Variants in LRBA observed in about 807,000 individuals in gnomAD.
LRBA encodes lipopolysaccharide-responsive and beige-like anchor protein.
A neutral mutation model predicts 330.0 loss-of-function variants in LRBA; 176 were observed. The ratio of observed to expected loss-of-function variants is 0.53; its 90% confidence interval spans 0.47 to 0.60. The LOEUF is 0.60. Ranked by LOEUF, LRBA falls within the 20% of genes least tolerant of loss-of-function variation. The pLI is 0.00. For missense variants in LRBA, 3,259 were observed against 3,444.8 expected, an observed-to-expected ratio of 0.95 and a Z score of 1.35; for synonymous variants, 1,230 against 1,193.0, an observed-to-expected ratio of 1.03 and a Z score of -0.64.
chr4:150,870,148 C>G (rs1446743366), intron 20 of LRBA, among the ~76,000 whole-genome samples: 1 of 152,090 alleles, frequency 6.6e-6, no homozygotes, highest in Non-Finnish European at 1.5e-5. Flanking sequence ...ATAAAGAAGA[C>G]ATATTGTTCT....
chr4:150,815,205 T>C (rs901063000), intron 31 of LRBA, among the ~76,000 whole-genome samples: 4 of 151,934 alleles, frequency 2.6e-5, no homozygotes, highest in Non-Finnish European at 5.9e-5. Context: ...TCATAGATAT[T>C]AATAACTATT....
chr4:150,970,740 A>C (rs992486345), intron 2 of LRBA: 19 of 152,088 alleles, frequency 1.2e-4, no homozygotes, highest in Non-Finnish European at 2.6e-4. Context: ...AGCTTCAAAG[A>C]TCAGACAACA....
intron 34 of LRBA, among the ~76,000 whole-genome samples, chr4:150,793,523 G>A (rs938451735): frequency 1.3e-5 from 2 of 152,106 alleles, no homozygotes; most frequent in Non-Finnish European, 2.9e-5. Flanking sequence ...TATGATCCAT[G>A]TTACCATTGA....
At chr4:150,586,781 TAAATC>T (rs1481421138) in intron 40 of LRBA, among the ~76,000 whole-genome samples, 8 of 152,196 alleles carry the variant, frequency 5.3e-5, no homozygotes, top group African/African-American at 1.9e-4. Context: ...ACTTTTAAAT[TAAATC>T]AAATTTTAGG....
chr4:150,928,617 C>G lies in LRBA; in HGVS notation c.449-1G>C. ...ACTCCCAACATGTCAACCAAAAGAT[C>G]TGGAAACAAAAGAAAACGATAAAAT... is the stretch of plus-strand genomic sequence containing the variant. On this transcript the variant is annotated splice_acceptor_variant, in intron 3 of 56. Coordinates refer to ENST00000651943, the MANE Select transcript of LRBA (RefSeq NM_001364905.1). LOFTEE classifies it high-confidence loss of function. 1 of 1,607,370 alleles carries G rather than the reference C, an allele frequency of 6.2e-7. No individual in the cohort carries two copies. The highest frequency in any genetic ancestry group is 1.7e-5 in the Admixed American group (1 of 59,218).
chr4:150,744,092 C>T (rs2126313818), intron 35 of LRBA, among the ~76,000 whole-genome samples: 1 of 152,084 alleles, frequency 6.6e-6, no homozygotes, highest in East Asian at 1.9e-4. Context: ...TTAAACAGTA[C>T]TCATTTAGGC....
chr4:150,574,696 G>A (rs1770310658), intron 40 of LRBA, among the ~76,000 whole-genome samples: 1 of 151,922 alleles, frequency 6.6e-6, no homozygotes, highest in African/African-American at 2.4e-5. Context: ...AATTTATAAA[G>A]TTTATAGAAA....
intron 47 of LRBA, among the ~76,000 whole-genome samples, chr4:150,352,939 T>C (rs972579753): frequency 6.6e-6 from 1 of 152,228 alleles, no homozygotes; most frequent in African/African-American, 2.4e-5. Flanking sequence ...TGGCAATTTA[T>C]ATCATTTAAA....
At chr4:150,978,808 G>A (rs185197538) in intron 2 of LRBA, among the ~76,000 whole-genome samples, 3 of 152,198 alleles carry the variant, frequency 2.0e-5, no homozygotes, top group Non-Finnish European at 1.5e-5. Context: ...TAAGCTTGAA[G>A]ACAGCCTATT....
At chr4:150,804,387 A>C (rs1423124905) in intron 33 of LRBA, among the ~76,000 whole-genome samples, 1 of 152,176 alleles carries the variant, frequency 6.6e-6, no homozygotes, top group African/African-American at 2.4e-5. Context: ...CTAAAGCTTC[A>C]TATGTACCTA....
chr4:150,602,585 A>C (rs1421087230), intron 37 of LRBA, among the ~76,000 whole-genome samples: 6 of 152,260 alleles, frequency 3.9e-5, no homozygotes, highest in South Asian at 2.1e-4. Context: ...CACACACACA[A>C]AAATGAGGCC....
At chr4:150,473,321 T>G (rs1237240957) in intron 42 of LRBA, among the ~76,000 whole-genome samples, 1 of 152,226 alleles carries the variant, frequency 6.6e-6, no homozygotes, top group Non-Finnish European at 1.5e-5. Flanking sequence ...TTGTTAGAAT[T>G]CTATATACAT....
At position 150,639,171 on chromosome 4, in the gene LRBA, G is replaced by A. The variant is rs183156511; in HGVS notation, c.5922-40040C>T. On this transcript the variant is annotated intron_variant, in intron 37 of 56. Coordinates refer to ENST00000651943, the MANE Select transcript of LRBA (RefSeq NM_001364905.1). ...TGAACGATGAGATCACACGGACACA[G>A]GAAGGGGAATATCACACTCTGGGGA... 8.7e-3 allele frequency among the ~76,000 whole-genome samples: 1,279 copies of A among 146,788 alleles called. 25 individuals are homozygous for A. The highest frequency in any genetic ancestry group is 0.031 in the African/African-American group (1,209 of 39,506).
rs372325150 is a variant in LRBA, at chr4:150,924,546, A to G, written c.550-3253T>C. The stretch of plus-strand genomic sequence containing the variant: ...AAGAAAGAGGAAAAGAAAAAGATGT[A>G]GTAGTCATATTTCAAGAGTCCGTAA... On this transcript the variant is annotated intron_variant, in intron 4 of 56. Coordinates refer to ENST00000651943, the MANE Select transcript of LRBA (RefSeq NM_001364905.1). Among the ~76,000 whole-genome samples the G allele has an allele frequency of 1.2e-3, 181 of 152,196 alleles. 3 individuals carry two copies. Among genetic ancestry groups the G allele is most frequent in the African/African-American group, 4.2e-3 (176 of 41,534 alleles).
intron 38 of LRBA, 127 bp downstream of exon 38, chr4:150,598,880 T>A: frequency 9.1e-7 from 1 of 1,102,658 alleles, no homozygotes; most frequent in Non-Finnish European, 1.3e-6. Flanking sequence ...AACTTCTCTT[T>A]CTGGTATGAA....
chr4:150,493,567 A>T (rs867693541), intron 40 of LRBA, among the ~76,000 whole-genome samples: 18 of 152,356 alleles, frequency 1.2e-4, no homozygotes, highest in Middle Eastern at 3.4e-3. Flanking sequence ...TGTCTTCTCA[A>T]GAAAAACTAG....
chr4:150,510,844 A>G (rs1479238324), intron 40 of LRBA, among the ~76,000 whole-genome samples: 2 of 151,708 alleles, frequency 1.3e-5, no homozygotes, highest in Admixed American at 1.3e-4. Flanking sequence ...ATTTTTTATT[A>G]TTTTATTTAT....
At chr4:150,639,736 AATATATAT>A (rs1212252752) in intron 37 of LRBA, among the ~76,000 whole-genome samples, 21 of 51,150 alleles carry the variant, frequency 4.1e-4, no homozygotes, top group African/African-American at 1.2e-3. Flanking sequence ...CTATGCCCCA[AATATATAT>A]ATATATATAT....
intron 46 of LRBA, among the ~76,000 whole-genome samples, chr4:150,420,242 A>G (rs913036553): frequency 1.3e-5 from 2 of 148,218 alleles, no homozygotes; most frequent in African/African-American, 4.9e-5. Context: ...TCTCAAAAAA[A>G]ATACATATAT....
Sources: allele counts gnomAD v4.1 joint callset (sites outside exome capture counted in the v4.1 genomes callset), GRCh38; gene constraint gnomAD v4.1.1; transcripts MANE v1.5; gene names NCBI Gene and HGNC (gene_info 2026-07-23, HGNC 2026-07-21).